The following GRM5 variants were observed in gnomAD, a reference collection of about 807,000 sequenced individuals.
The protein encoded by GRM5 is metabotropic glutamate receptor 5.
A neutral mutation model predicts 83.1 loss-of-function variants in GRM5; 19 were observed. The ratio of observed to expected loss-of-function variants is 0.23; its 90% CI spans 0.16 to 0.34. The LOEUF (loss-of-function observed/expected upper bound fraction) is 0.34. GRM5 is among the 10% of genes least tolerant of loss of function. The pLI is 1.00. For synonymous variants in GRM5, 675 were observed against 633.6 expected (o/e 1.07, Z -0.98); for missense variants, 1,160 against 1,588.3 (o/e 0.73, Z 4.58).
At chr11:89,002,677 C>G (rs1940418008) in intron 2 of GRM5, among the ~76,000 whole-genome samples, 1 of 152,122 alleles carries the variant, frequency 6.6e-6, no homozygotes, top group South Asian at 2.1e-4. Flanking sequence ...GGACATTTTA[C>G]CACTGATTAT....
chr11:88,816,752 A>AC (rs1237836269), intron 3 of GRM5, among the ~76,000 whole-genome samples: 5 of 150,458 alleles, frequency 3.3e-5, no homozygotes, highest in African/African-American at 1.2e-4. Context: ...GGTCCAAAAA[A>AC]AAAAAAAAAG....
intron 3 of GRM5, among the ~76,000 whole-genome samples, chr11:88,752,556 C>T (rs1942302100): frequency 6.6e-6 from 1 of 152,170 alleles, no homozygotes; most frequent in Non-Finnish European, 1.5e-5. Flanking sequence ...CAATTATATT[C>T]TCATTAAACT....
intron 4 of GRM5, among the ~76,000 whole-genome samples, chr11:88,632,699 A>C (rs1939009854): frequency 1.3e-5 from 2 of 152,334 alleles, no homozygotes; most frequent in East Asian, 3.9e-4. Context: ...TTAAATACTT[A>C]GGAGTAGAAT....
intron 3 of GRM5, among the ~76,000 whole-genome samples, chr11:88,830,142 ATAATG>A (rs1294887391): frequency 1.3e-5 from 2 of 152,130 alleles, no homozygotes; most frequent in Non-Finnish European, 2.9e-5. Context: ...ATGCACTAGC[ATAATG>A]TCTACTTATA....
intron 3 of GRM5, among the ~76,000 whole-genome samples, chr11:88,820,731 C>T (rs1442548106): frequency 1.3e-5 from 2 of 152,182 alleles, no homozygotes; most frequent in African/African-American, 4.8e-5. Context: ...TGTTACCTCT[C>T]TATGTCTTGT....
chr11:88,989,885 A>G (rs1367208535), intron 2 of GRM5, among the ~76,000 whole-genome samples: 4 of 152,050 alleles, frequency 2.6e-5, no homozygotes, highest in Non-Finnish European at 5.9e-5. Context: ...AATTTATAGC[A>G]CTAAATGCCC....
At chr11:88,919,615 A>G (rs576035091) in intron 2 of GRM5, among the ~76,000 whole-genome samples, 5 of 152,012 alleles carry the variant, frequency 3.3e-5, no homozygotes, top group Non-Finnish European at 7.4e-5. Context: ...TCCTCAGCAC[A>G]TACATCATGC....
chr11:89,034,566 C>CT (rs2135129838), intron 2 of GRM5, among the ~76,000 whole-genome samples: 1 of 151,890 alleles, frequency 6.6e-6, no homozygotes, highest in South Asian at 2.1e-4. Context: ...TTCCAGTTCA[C>CT]TTTTTTCACA....
At chr11:88,582,088 A>G (rs568180774) in intron 7 of GRM5, among the ~76,000 whole-genome samples, 1 of 152,112 alleles carries the variant, frequency 6.6e-6, no homozygotes, top group South Asian at 2.1e-4. Context: ...CCTTCATTAT[A>G]CAAACATTAA....
At chr11:88,596,944 G>A (rs2135218746) in intron 6 of GRM5, among the ~76,000 whole-genome samples, 1 of 152,040 alleles carries the variant, frequency 6.6e-6, no homozygotes, top group South Asian at 2.1e-4. Flanking sequence ...GTCTTTAAAG[G>A]CTTGTATGAG....
chr11:88,512,005 A>G (rs778852893), intron 9 of GRM5: 11 of 152,220 alleles, frequency 7.2e-5, no homozygotes, highest in Non-Finnish European at 1.3e-4. Context: ...TAGTACAGAG[A>G]GGTTTTGCAA....
intron 2 of GRM5, among the ~76,000 whole-genome samples, chr11:88,868,648 G>C (rs552645389): frequency 5.3e-5 from 8 of 151,688 alleles, no homozygotes; most frequent in African/African-American, 1.9e-4. Context: ...TAGATACCTG[G>C]CAAATGTTAA....
At chr11:88,938,551 C>CAT (rs1555045029) in intron 2 of GRM5, among the ~76,000 whole-genome samples, 2 of 17,364 alleles carry the variant, frequency 1.2e-4, no homozygotes, top group African/African-American at 2.3e-4. Context: ...GGTATTACTT[C>CAT]ATTTTTTTTT....
chr11:88,819,576 A>G (rs536984385), intron 3 of GRM5, among the ~76,000 whole-genome samples: 1 of 152,358 alleles, frequency 6.6e-6, no homozygotes, highest in Non-Finnish European at 1.5e-5. Context: ...TGGCAATAGC[A>G]TGATTTGTCA....
intron 5 of GRM5, among the ~76,000 whole-genome samples, chr11:88,600,506 C>G (rs1363011809): frequency 1.3e-5 from 2 of 151,792 alleles, no homozygotes; most frequent in Non-Finnish European, 2.9e-5. Flanking sequence ...AAATTTAAAC[C>G]TAGAATATTC....
intron 2 of GRM5, among the ~76,000 whole-genome samples, chr11:88,998,932 C>T (rs971764127): frequency 4.6e-5 from 7 of 151,860 alleles, no homozygotes; most frequent in African/African-American, 7.3e-5. Context: ...ACTAGAATGC[C>T]GCATGTCTAC....
intron 2 of GRM5, among the ~76,000 whole-genome samples, chr11:88,857,554 C>T (rs1226548775): frequency 4.6e-5 from 7 of 151,968 alleles, no homozygotes; most frequent in Non-Finnish European, 1.5e-5. Context: ...AAAAGCTTGA[C>T]AGTGAAGCAC....
Position 88,802,542 on chromosome 11 carries a change from A to G in GRM5, c.911+47364T>C, listed in dbSNP as rs565418646. On this transcript the variant is annotated intron_variant, in intron 3 of 9. Transcript: ENST00000305447. ...TATTGATGGGACATATCCCAAAATA[A>G]TAAGAGCTATCTATGACAAACTCAC... Among the ~76,000 whole-genome samples, 13 of 152,298 alleles carry G rather than the reference A, an allele frequency of 8.5e-5. No individual in the cohort carries two copies. In the East Asian group the frequency reaches 2.5e-3, roughly 29 times the overall value.
intron 2 of GRM5, among the ~76,000 whole-genome samples, chr11:89,025,061 C>A (rs1941096369): frequency 6.6e-6 from 1 of 152,154 alleles, no homozygotes; most frequent in Admixed American, 6.5e-5. Context: ...AGAATGAAAT[C>A]TAGAAAGTCA....
Sources: allele counts gnomAD v4.1 joint callset (sites outside exome capture counted in the v4.1 genomes callset), GRCh38; gene constraint gnomAD v4.1.1; transcripts MANE v1.5; gene names NCBI Gene and HGNC (gene_info 2026-07-23, HGNC 2026-07-21).